Variants in MALT1 observed in about 807,000 individuals in gnomAD.
The protein encoded by MALT1 is mucosa-associated lymphoid tissue lymphoma translocation protein 1.
A neutral mutation model predicts 85.5 loss-of-function variants in MALT1; 36 were observed. The observed-to-expected ratio is 0.42, with a 90% confidence interval of 0.32 to 0.56. MALT1 has a LOEUF of 0.56. Among genes scored for constraint, MALT1 ranks in the 20% least tolerant of loss-of-function variants. The pLI is 0.10. For synonymous variants in MALT1, 359 were observed against 361.3 expected (o/e 0.99, Z 0.07); for missense variants, 716 against 981.6 (o/e 0.73, Z 3.62).
Position 58,747,404 on chromosome 18 carries a change from G to T in MALT1, c.2038-1G>T. On this transcript the variant is annotated splice_acceptor_variant, in intron 16 of 16. Coordinates refer to ENST00000649217, the MANE Select transcript of MALT1 (RefSeq NM_006785.4). LOFTEE classifies it high-confidence loss of function. ...ATAAACCAGATTTTTTTCCTTTTCA[G>T]GAACATCTAGTCTTCACAGTATGTT... 1.3e-6 allele frequency: 2 copies of T among 1,587,272 alleles called. No individual in the cohort carries two copies. The highest frequency in any genetic ancestry group is 3.6e-5 in the Admixed American group (2 of 55,796).
At chr18:58,683,881 T>G (rs1239994138) in intron 2 of MALT1, among the ~76,000 whole-genome samples, 1 of 152,218 alleles carries the variant, frequency 6.6e-6, no homozygotes, top group East Asian at 1.9e-4. Context: ...GTTTTTAATT[T>G]TCTCTTCAGT....
chr18:58,747,579 C>T lies in MALT1; in HGVS notation c.2212C>T (p.Gln738Ter). ...TTGTCTTATGTCTAATGGTCCTTAC[C>T]AGAGTTCTGCAGCCACCTCAGGAGG... The part of the protein sequence containing the change: ...QTCLMSNGPY[Q>*]SSAATSGGAG... The change falls in exon 17 of 17, where the codon CAG becomes TAG. Residue 738 changes from glutamine to a stop codon, truncating the protein, a stop_gained. Coordinates refer to ENST00000649217, the MANE Select transcript of MALT1 (RefSeq NM_006785.4). LOFTEE classifies it low-confidence loss of function (END_TRUNC). The T allele has an allele frequency of 6.2e-7, 1 of 1,614,146 alleles. No individual in the cohort carries two copies. The highest frequency in any genetic ancestry group is 8.5e-7 in the Non-Finnish European group (1 of 1,180,026).
chr18:58,741,989 G>A lies in MALT1; in HGVS notation c.1728G>A (p.Arg576=). The change falls in exon 14 of 17, where the codon CGG becomes CGA. Residue 576 remains arginine, a synonymous_variant. Coordinates refer to ENST00000649217, the MANE Select transcript of MALT1 (RefSeq NM_006785.4). The stretch of plus-strand genomic sequence containing the variant: ...AATATTCTGCTGAATCTCTTGTGCG[G>A]AATCTACAGTGGGCCAAGGCTCATG... ...GTEYSAESLV[R]NLQWAKAHEL... The A allele has an allele frequency of 6.5e-7, 1 of 1,544,076 alleles. No individual in the cohort carries two copies. The highest frequency in any genetic ancestry group is 1.2e-5 in the South Asian group (1 of 81,350).
Position 58,709,459 on chromosome 18 carries a change from T to C in MALT1, c.731T>C (p.Leu244Ser). The change falls in exon 5 of 17, where the codon TTG becomes TCG. Residue 244 changes from leucine to serine, a missense_variant. Around this residue, in one of 4 missense-constraint regions of MALT1, gnomAD observed 290 missense variants for 380.5 expected, o/e 0.76. Coordinates refer to ENST00000649217, the MANE Select transcript of MALT1 (RefSeq NM_006785.4). ...CAAAAGCTGATGCCAGGCAGCACAT[T>C]GGTTTTACAGTGTGTTGCTGTTGGA... is the stretch of plus-strand genomic sequence containing the variant. ...TSQKLMPGST[L>S]VLQCVAVGSP... 6.2e-7 allele frequency: 1 copy of C among 1,613,108 alleles called. No individual in the cohort carries two copies. Among genetic ancestry groups the C allele is most frequent in the South Asian group, 1.1e-5 (1 of 90,936 alleles).
At chr18:58,730,030 C>T in intron 10 of MALT1, among the ~76,000 whole-genome samples, 1 of 152,120 alleles carries the variant, frequency 6.6e-6, no homozygotes, top group Non-Finnish European at 1.5e-5. Flanking sequence ...CCCTTGAGGA[C>T]TGGTTATGGT....
intron 3 of MALT1, 38 bp downstream of exon 3, chr18:58,696,525 G>A: frequency 2.1e-6 from 3 of 1,456,540 alleles, no homozygotes; most frequent in South Asian, 2.6e-5. Context: ...CTTCCAAGGA[G>A]AGAGAATGAT....
intron 2 of MALT1, among the ~76,000 whole-genome samples, chr18:58,687,698 A>G (rs1226613130): frequency 6.6e-6 from 1 of 152,256 alleles, no homozygotes; most frequent in Non-Finnish European, 1.5e-5. Flanking sequence ...ATTTATTGAT[A>G]AACTACATCA....
intron 9 of MALT1, among the ~76,000 whole-genome samples, chr18:58,718,260 T>C (rs1358901434): frequency 6.6e-6 from 1 of 152,188 alleles, no homozygotes; most frequent in African/African-American, 2.4e-5. Context: ...ATTGAAAGAA[T>C]AACAAGATAA....
At chr18:58,721,767 G>A (rs759779654) in intron 9 of MALT1, among the ~76,000 whole-genome samples, 42 of 152,132 alleles carry the variant, frequency 2.8e-4, no homozygotes, top group Non-Finnish European at 6.0e-4. Context: ...TGTAGACGTC[G>A]AGTCAGCAAT....
Position 58,748,350 on chromosome 18 carries a change from TG to T in MALT1, c.*509del. The stretch of plus-strand genomic sequence containing the variant: ...CCTTCCTGACAGGTTCTGAGATAAG[TG>T]TTATGTTTGTAGATAGAGTGAAATA... On this transcript the variant is annotated 3_prime_UTR_variant, in exon 17 of 17. Transcript: ENST00000649217. 5.2e-6 allele frequency: 1 copy of T among 193,578 alleles called. No homozygotes were observed. Among genetic ancestry groups the T allele is most frequent in the Non-Finnish European group, 1.1e-5 (1 of 92,396 alleles). 12.0% of individuals were successfully genotyped at this position (193,578 alleles called of 1,614,324 possible).
intron 1 of MALT1, 45 bp downstream of exon 1, chr18:58,671,897 G>A (rs1346007475): frequency 3.4e-6 from 4 of 1,183,478 alleles, no homozygotes; most frequent in East Asian, 6.8e-5. Context: ...GTCGAGCGGG[G>A]TGGGCTGCGG....
chr18:58,744,327 T>C lies in MALT1; in HGVS notation c.1754-11T>C. ...AAACCTACCAAAGTTGTTCTTATTG[T>C]TCTTTTTCAGAACTTCCAGAAAGTA... On this transcript the variant is annotated splice_polypyrimidine_tract_variant and intron_variant, in intron 14 of 16. Transcript: ENST00000649217. 6.3e-7 allele frequency: 1 copy of C among 1,584,550 alleles called. No individual in the cohort carries two copies. The highest frequency in any genetic ancestry group is 8.6e-7 in the Non-Finnish European group (1 of 1,165,042).
chr18:58,716,095 T>G, intron 9 of MALT1, 128 bp downstream of exon 9: 2 of 674,122 alleles, frequency 3.0e-6, no homozygotes, highest in Non-Finnish European at 5.0e-6. Flanking sequence ...GTTTTATTTT[T>G]TTGTATCTGT....
At chr18:58,739,005 A>G (rs28437172) in intron 13 of MALT1, among the ~76,000 whole-genome samples, 164 of 152,348 alleles carry the variant, frequency 1.1e-3, no homozygotes, top group African/African-American at 3.5e-3. Context: ...AGGTTAAGGA[A>G]GTTCTCTTAA....
At chr18:58,673,493 C>G (rs751159509) in intron 1 of MALT1, among the ~76,000 whole-genome samples, 1 of 151,656 alleles carries the variant, frequency 6.6e-6, no homozygotes, top group Middle Eastern at 3.2e-3. Flanking sequence ...CTTGCTCTTT[C>G]GCCCAGGCTG....
intron 15 of MALT1, among the ~76,000 whole-genome samples, 173 bp downstream of exon 15, chr18:58,744,668 C>CTTAAG (rs1473403723): frequency 6.6e-6 from 1 of 151,682 alleles, no homozygotes; most frequent in African/African-American, 2.4e-5. Flanking sequence ...GCCAAAATAC[C>CTTAAG]TTAAGTTTAT....
Position 58,710,947 on chromosome 18 carries a change from A to C in MALT1, c.952A>C (p.Thr318Pro), listed in dbSNP as rs1403277586. The C allele has an allele frequency of 6.4e-6, 10 of 1,574,718 alleles. No homozygotes were observed. The highest frequency in any genetic ancestry group is 8.6e-6 in the Non-Finnish European group (10 of 1,164,742). ...IGRTDEAVEC[T>P]EDELNNLGHP... ...AAGAACAGATGAGGCAGTGGAGTGC[A>C]CTGAAGGTAGTGTAAGTCTTTGGTT... Residue 318 changes from threonine to proline, a missense_variant, in exon 7 of 17, where the codon ACT becomes CCT. Around this residue, in one of 4 missense-constraint regions of MALT1, gnomAD observed 290 missense variants for 380.5 expected, o/e 0.76. Coordinates refer to ENST00000649217, the MANE Select transcript of MALT1 (RefSeq NM_006785.4).
chr18:58,736,392 A>G (rs1045370635), intron 13 of MALT1, among the ~76,000 whole-genome samples: 1 of 151,798 alleles, frequency 6.6e-6, no homozygotes, highest in Non-Finnish European at 1.5e-5. Context: ...TTTGTTTTCT[A>G]CATTAGGCTT....
At chr18:58,724,086 C>T (rs2055021116) in intron 10 of MALT1, among the ~76,000 whole-genome samples, 1 of 152,120 alleles carries the variant, frequency 6.6e-6, no homozygotes, top group African/African-American at 2.4e-5. Context: ...ACAAAAAGTA[C>T]CGGTTTGGCT....
Sources: allele counts gnomAD v4.1 joint callset (sites outside exome capture counted in the v4.1 genomes callset), GRCh38; gene constraint gnomAD v4.1.1; regional missense constraint gnomAD v4.1.1; transcripts MANE v1.5; gene names NCBI Gene and HGNC (gene_info 2026-07-23, HGNC 2026-07-21).